Variants in PTPN7 observed in about 807,000 individuals in gnomAD.
The protein encoded by PTPN7 is tyrosine-protein phosphatase non-receptor type 7.
In PTPN7, 33 loss-of-function variants were observed where a neutral mutation model predicts 50.3. That is an observed-to-expected ratio of 0.66 (90% confidence interval 0.50 to 0.88). The LOEUF (loss-of-function observed/expected upper bound fraction) is 0.88. PTPN7 is among the 40% of genes least tolerant of loss of function. PTPN7 has a pLI of 0.00. For synonymous variants in PTPN7, 185 were observed against 186.6 expected (o/e 0.99, Z 0.07); for missense variants, 412 against 475.4 (o/e 0.87, Z 1.24).
At position 202,158,197 on chromosome 1, in the gene PTPN7, C is replaced by G; in HGVS notation, c.227G>C (p.Arg76Pro). 6.2e-7 allele frequency: 1 copy of G among 1,613,862 alleles called. No homozygotes were observed. The highest frequency in any genetic ancestry group is 8.5e-7 in the Non-Finnish European group (1 of 1,179,864). Residue 76 changes from arginine to proline, a missense_variant, in exon 3 of 10, where the codon CGC becomes CCC. By Grantham distance (103) the Arg-to-Pro change is moderately radical. Coordinates refer to ENST00000691036, the MANE Select transcript of PTPN7 (RefSeq NM_002832.4). Reference protein sequence around the residue: ...TPREVTLHFLRTAGHPLTRWA... With the variant: ...TPREVTLHFLPTAGHPLTRWA... Reference sequence around the variant, plus strand: ...GCGGGTAAGGGGGTGTCCAGCAGTGCGCAGAAAGTGTAGGGTGACCTCCCG... The same window carrying G: ...GCGGGTAAGGGGGTGTCCAGCAGTGGGCAGAAAGTGTAGGGTGACCTCCCG...
Position 202,155,584 on chromosome 1 carries a change from G to A in PTPN7, c.417C>T (p.Gly139=). The A allele has an allele frequency of 6.4e-7, 1 of 1,571,662 alleles. No homozygotes were observed. The highest frequency in any genetic ancestry group is 8.8e-7 in the Non-Finnish European group (1 of 1,141,604). The change falls in exon 5 of 10, where the codon GGC becomes GGT. Residue 139 remains glycine (G), a synonymous_variant. Transcript: ENST00000691036. ...LPNPQSRVCL[G]RAQSQEDGDY... is the part of the protein sequence containing the mutation. The stretch of plus-strand genomic sequence containing the variant: ...CTCCGTCCTCCTGGCTCTGTGCCCG[G>A]CCTAGACAGACACGGCTCTGGGGAT...
chr1:202,158,102 G>C lies in PTPN7; in HGVS notation c.306+16C>G. The C allele has an allele frequency of 6.4e-7, 1 of 1,574,754 alleles. No individual in the cohort carries two copies. The highest frequency in any genetic ancestry group is 8.6e-7 in the Non-Finnish European group (1 of 1,161,560). On this transcript the variant is annotated intron_variant, in intron 3 of 9. Transcript: ENST00000691036. Reference sequence around the variant, plus strand: ...ACAGAGGGCAGAGCGATTCAGAGGGGACCCCAATTTCTTACCAAGAATTCT... The same window carrying C: ...ACAGAGGGCAGAGCGATTCAGAGGGCACCCCAATTTCTTACCAAGAATTCT...
chr1:202,157,345 G>A (rs1333311846), intron 4 of PTPN7, among the ~76,000 whole-genome samples: 4 of 152,084 alleles, frequency 2.6e-5, no homozygotes, highest in Non-Finnish European at 5.9e-5. Context: ...CCCCACCTCT[G>A]CTAAAAATAC....
At chr1:202,157,548 A>T (rs943740105) in intron 4 of PTPN7, among the ~76,000 whole-genome samples, 191 bp downstream of exon 4, 1 of 150,846 alleles carries the variant, frequency 6.6e-6, no homozygotes, top group African/African-American at 2.4e-5. Flanking sequence ...GGCCTGGCCC[A>T]GGGTACATAT....
At chr1:202,155,106 A>T (rs973111966) in intron 5 of PTPN7, among the ~76,000 whole-genome samples, 6 of 152,180 alleles carry the variant, frequency 3.9e-5, no homozygotes, top group Non-Finnish European at 8.8e-5. Flanking sequence ...CTTGACGTCA[A>T]TCAACCATCT....
intron 7 of PTPN7, among the ~76,000 whole-genome samples, chr1:202,153,288 A>G (rs1035170100): frequency 2.0e-5 from 3 of 151,862 alleles, no homozygotes; most frequent in Non-Finnish European, 4.4e-5. Flanking sequence ...TAGCCTTCCA[A>G]ACAGCTGTAA....
chr1:202,160,754 G>A, upstream of PTPN7: 1 of 1,550,664 alleles, frequency 6.4e-7, no homozygotes, highest in African/African-American at 1.4e-5. The surrounding 1 kb of genome is among the most constrained non-coding windows in gnomAD (Gnocchi z 4.8). Flanking sequence ...GCCCTTCTGG[G>A]GCCCAAGGCC....
intron 5 of PTPN7, 48 bp downstream of exon 5, chr1:202,155,485 C>T: frequency 6.7e-7 from 1 of 1,500,694 alleles, no homozygotes; most frequent in Non-Finnish European, 9.3e-7. Context: ...TCTCAGACGT[C>T]TGAGAATTCC....
chr1:202,156,572 A>G (rs1656681845), intron 4 of PTPN7, among the ~76,000 whole-genome samples: 2 of 152,250 alleles, frequency 1.3e-5, no homozygotes, highest in Non-Finnish European at 2.9e-5. Context: ...CAGCCTGGTC[A>G]TGGACAGAAG....
chr1:202,161,022 A>T, upstream of PTPN7: 1 of 1,027,776 alleles, frequency 9.7e-7, no homozygotes, highest in Non-Finnish European at 1.3e-6. Context: ...CTCTCCCTCA[A>T]GGCCCTCTCC....
rs1352426422 is a variant in PTPN7 at position 202,159,912 on chromosome 1, G to A, written c.-52-458C>T. The A allele has an allele frequency of 8.9e-6, 9 of 1,010,574 alleles. No homozygotes were observed. The highest frequency in any genetic ancestry group is 1.1e-5 in the Non-Finnish European group (9 of 846,324). 62.6% of individuals were successfully genotyped at this position (1,010,574 alleles called of 1,614,324 possible). ...CTCCAGCAGTGTTGGAGCTGGTTGG[G>A]CAGCCAGGCAGGCGGGCTCCTGGAC... On this transcript the variant is annotated intron_variant, in intron 1 of 9. Coordinates refer to ENST00000691036, the MANE Select transcript of PTPN7 (RefSeq NM_002832.4). The surrounding 1 kb of genome is among the most constrained non-coding windows in gnomAD (Gnocchi z 4.6).
chr1:202,160,957 C>T, upstream of PTPN7: 1 of 1,429,040 alleles, frequency 7.0e-7, no homozygotes, highest in South Asian at 1.5e-5. The surrounding 1 kb of genome is among the most constrained non-coding windows in gnomAD (Gnocchi z 4.8). Context: ...CTCTCCTGCT[C>T]AACCTGACCT....
chr1:202,154,751 T>C (rs1034196886), intron 5 of PTPN7, among the ~76,000 whole-genome samples: 5 of 152,262 alleles, frequency 3.3e-5, no homozygotes, highest in Non-Finnish European at 1.5e-5. Context: ...GTGTTTAATA[T>C]TTGTTCAGTG....
Position 202,153,715 on chromosome 1 carries a change from G to T in PTPN7, c.717+10C>A, listed in dbSNP as rs776192138. ...ACTTCCCACTGGGCCTGGCTCCGGGGGGGTGGTACCTGGATGGTGAGCTGC... is the reference window on the plus strand; with the variant it reads ...ACTTCCCACTGGGCCTGGCTCCGGGTGGGTGGTACCTGGATGGTGAGCTGC... On this transcript the variant is annotated intron_variant, in intron 7 of 9. Transcript: ENST00000691036. 1.2e-6 allele frequency: 2 copies of T among 1,609,476 alleles called. No individual in the cohort carries two copies. Among genetic ancestry groups the T allele is most frequent in the Non-Finnish European group, 1.7e-6 (2 of 1,175,830 alleles).
Position 202,154,245 on chromosome 1 carries a change from C to T in PTPN7, c.547G>A (p.Val183Met). ...PNTVSDFWEM[V>M]WQEEVSLIVM... ...ATGAGGGACACTTCCTCTTGCCACACCATCTCCCAGAAGTCCGACACAGTG... is the reference window on the plus strand; with the variant it reads ...ATGAGGGACACTTCCTCTTGCCACATCATCTCCCAGAAGTCCGACACAGTG... The change falls in exon 6 of 10, where the codon GTG becomes ATG. Residue 183 changes from valine to methionine, a missense_variant. By Grantham distance (21) the Val-to-Met change is conservative. Transcript: ENST00000691036. 6.2e-7 allele frequency: 1 copy of T among 1,614,198 alleles called. No homozygotes were observed. The highest frequency in any genetic ancestry group is 8.5e-7 in the Non-Finnish European group (1 of 1,180,040).
At chr1:202,152,054 T>C (rs1221737909) in intron 8 of PTPN7, among the ~76,000 whole-genome samples, 4 of 152,068 alleles carry the variant, frequency 2.6e-5, no homozygotes, top group African/African-American at 9.7e-5. Context: ...GGATTACAAG[T>C]GTGTGCTACC....
upstream of PTPN7, chr1:202,160,960 C>T: frequency 2.8e-6 from 4 of 1,428,352 alleles, no homozygotes; most frequent in Non-Finnish European, 2.7e-6. The surrounding 1 kb of genome is among the most constrained non-coding windows in gnomAD (Gnocchi z 4.8). Context: ...TCCTGCTCAA[C>T]CTGACCTTGG....
At chr1:202,152,036 A>G (rs1041598651) in intron 8 of PTPN7, among the ~76,000 whole-genome samples, 2 of 152,084 alleles carry the variant, frequency 1.3e-5, no homozygotes, top group South Asian at 4.1e-4. Context: ...CAGCCTCCCA[A>G]GTAGCTGGGA....
chr1:202,152,364 G>A (rs1373589116), intron 8 of PTPN7, among the ~76,000 whole-genome samples, 178 bp downstream of exon 8: 2 of 152,248 alleles, frequency 1.3e-5, no homozygotes. Context: ...AGATGTCTGG[G>A]TTCTGCGTGA....
Sources: allele counts gnomAD v4.1 joint callset (sites outside exome capture counted in the v4.1 genomes callset), GRCh38; gene constraint gnomAD v4.1.1; non-coding constraint Gnocchi (gnomAD v3.1); transcripts MANE v1.5; gene names NCBI Gene and HGNC (gene_info 2026-07-23, HGNC 2026-07-21).